The following MYO9B variants were observed in gnomAD, a reference collection of about 807,000 sequenced individuals.
MYO9B encodes unconventional myosin-IXb.
Under a neutral mutation model 229.5 loss-of-function variants are expected in MYO9B, and 71 were observed. The observed-to-expected ratio is 0.31, with a 90% CI of 0.26 to 0.38. MYO9B has a LOEUF of 0.38. Ranked by LOEUF, MYO9B falls within the 10% of genes least tolerant of loss-of-function variation. MYO9B has a pLI of 1.00. For synonymous variants in MYO9B, 1,185 were observed against 1,235.8 expected (o/e 0.96, Z 0.86); for missense variants, 2,255 against 2,920.5 (o/e 0.77, Z 5.25).
intron 4 of MYO9B, among the ~76,000 whole-genome samples, 197 bp from the exon 5 acceptor site, chr19:17,153,770 A>G (rs981927571): frequency 2.0e-5 from 3 of 152,014 alleles, no homozygotes; most frequent in Non-Finnish European, 4.4e-5. Context: ...CCCACCTCCA[A>G]TCCTCCAGAA....
At position 17,193,095 on chromosome 19, in the gene MYO9B, T is replaced by C. The variant is rs1166061097; in HGVS notation, c.3128+33T>C. 7.0e-7 allele frequency: 1 copy of C among 1,422,708 alleles called. No individual in the cohort carries two copies. Among genetic ancestry groups the C allele is most frequent in the Non-Finnish European group, 9.2e-7 (1 of 1,089,340 alleles). 88.1% of individuals were successfully genotyped at this position (1,422,708 alleles called of 1,614,324 possible). On this transcript the variant is annotated intron_variant, in intron 21 of 39. Coordinates refer to ENST00000682292, the MANE Select transcript of MYO9B (RefSeq NM_004145.4). The surrounding 1 kb of genome is among the most constrained non-coding windows in gnomAD (Gnocchi z 4.3). The stretch of plus-strand genomic sequence containing the variant: ...GAGCCGGGCCACGCTCCTCGGAATA[T>C]TCCAGAAGCCAAAAAGGTCACTCAC...
intron 2 of MYO9B, among the ~76,000 whole-genome samples, chr19:17,113,301 G>A (rs80174661): frequency 0.11 from 17,086 of 152,116 alleles, 1,198 homozygotes; most frequent in Non-Finnish European, 0.13. Context: ...CACTTCAAAG[G>A]GAGATTGGAA....
In MYO9B at chr19:17,212,674, A is replaced by G. The variant is rs2073245130; in HGVS notation, c.*364A>G. 4.2e-6 allele frequency: 1 copy of G among 238,100 alleles called. No individual in the cohort carries two copies. Among genetic ancestry groups the G allele is most frequent in the Admixed American group, 5.4e-5 (1 of 18,582 alleles). 14.7% of individuals were successfully genotyped at this position (238,100 alleles called of 1,614,324 possible). A position where few individuals can be genotyped will look rare whatever the true frequency, so the allele number is the denominator to read the frequency against. On this transcript the variant is annotated 3_prime_UTR_variant, in exon 40 of 40. Coordinates refer to ENST00000682292, the MANE Select transcript of MYO9B (RefSeq NM_004145.4). This position sits in a 1 kb window ranked among gnomAD's most constrained non-coding sequence, Gnocchi z 5.4. ...AGACCAAATGGTTTTTTATATGTGT[A>G]TGTACAAAGTTTTCTATTAACGCTG... is the stretch of plus-strand genomic sequence containing the variant.
chr19:17,128,561 T>C (rs2072153898), intron 2 of MYO9B, among the ~76,000 whole-genome samples: 1 of 152,220 alleles, frequency 6.6e-6, no homozygotes, highest in Non-Finnish European at 1.5e-5. Flanking sequence ...GCACTGCCCA[T>C]AGGGCTCCTG....
chr19:17,116,771 A>T (rs940522604), intron 2 of MYO9B, among the ~76,000 whole-genome samples: 1 of 152,090 alleles, frequency 6.6e-6, no homozygotes, highest in Admixed American at 6.6e-5. Context: ...GTGGGTATGG[A>T]GAGGATGGGG....
Position 17,198,160 on chromosome 19 carries a change from G to GC in MYO9B, c.4114-18dup, listed in dbSNP as rs771179127. 10 of 1,612,894 alleles carry GC rather than the reference G, an allele frequency of 6.2e-6. No homozygotes were observed. In the East Asian group the frequency reaches 2.2e-4, roughly 36 times the overall value. ...CAGGACTGCCAGCCTTTCCTTAGCA[G>GC]CCCCCCACTGCACCGTCTTGCAGCC... On this transcript the variant is annotated intron_variant, in intron 23 of 39. Transcript: ENST00000682292.
At chr19:17,138,450 T>A (rs975325631) in intron 2 of MYO9B, among the ~76,000 whole-genome samples, 12 of 152,314 alleles carry the variant, frequency 7.9e-5, no homozygotes, top group African/African-American at 2.9e-4. Context: ...GCTAATTTTT[T>A]AAATTTTTTC....
intron 1 of MYO9B, among the ~76,000 whole-genome samples, chr19:17,095,060 G>A (rs759337252): frequency 3.3e-5 from 5 of 152,158 alleles, no homozygotes; most frequent in African/African-American, 4.8e-5. Flanking sequence ...CCAACATGGC[G>A]AAACTCTGTC....
chr19:17,206,089 G>A lies in MYO9B; in HGVS notation c.5194G>A (p.Gly1732Ser). 1 of 1,607,970 alleles carries A rather than the reference G, an allele frequency of 6.2e-7. No homozygotes were observed. Among genetic ancestry groups the A allele is most frequent in the Non-Finnish European group, 8.5e-7 (1 of 1,175,754 alleles). ...HVEMHGLYTEGLYRKSGAANR... is the reference protein window; with the variant it reads ...HVEMHGLYTESLYRKSGAANR... ...GGAGATGCACGGCCTGTACACCGAGGGCCTCTACCGCAAGTCGGGTGCTGC... is the reference window on the plus strand; with the variant it reads ...GGAGATGCACGGCCTGTACACCGAGAGCCTCTACCGCAAGTCGGGTGCTGC... The change falls in exon 32 of 40, where the codon GGC becomes AGC. Residue 1732 changes from glycine to serine, a missense_variant. By Grantham distance (56) the Gly-to-Ser change is moderately conservative. Coordinates refer to ENST00000682292, the MANE Select transcript of MYO9B (RefSeq NM_004145.4).
Position 17,195,433 on chromosome 19 carries a change from G to A in MYO9B, c.4006G>A (p.Asp1336Asn), listed in dbSNP as rs368418520. ...AMLSQSLDLS[D>N]RHRATGAALT... ...GCTCAGCCAGTCCCTGGACCTCAGC[G>A]ACAGACACCGGGCCACAGGGGCCGC... The change falls in exon 22 of 40, where the codon GAC becomes AAC. Residue 1336 changes from aspartate to asparagine, a missense_variant. Asp to Asn is a conservative substitution (Grantham distance 23). Around this residue, in one of 7 missense-constraint regions of MYO9B, gnomAD observed 679 missense variants for 770.2 expected, o/e 0.88. Transcript: ENST00000682292. This position sits in a 1 kb window ranked among gnomAD's most constrained non-coding sequence, Gnocchi z 4.5. 135 of 1,605,940 alleles carry A rather than the reference G, an allele frequency of 8.4e-5. 1 individual carries two copies. The African/African-American group carries it at 1.1e-3, about 14-fold the overall frequency.
intron 1 of MYO9B, among the ~76,000 whole-genome samples, chr19:17,080,618 A>T (rs1234924647): frequency 6.6e-6 from 1 of 152,170 alleles, no homozygotes; most frequent in East Asian, 1.9e-4. Flanking sequence ...CTGTAATCTC[A>T]GCCCTTTGGG....
chr19:17,183,083 G>A (rs2072879563), intron 15 of MYO9B, among the ~76,000 whole-genome samples: 1 of 151,882 alleles, frequency 6.6e-6, no homozygotes, highest in East Asian at 2.0e-4. Flanking sequence ...CACCACACCT[G>A]GCTAATTTTT....
Position 17,172,957 on chromosome 19 carries a change from G to A in MYO9B, c.2134G>A (p.Ala712Thr). 2.5e-6 allele frequency: 4 copies of A among 1,597,688 alleles called. No individual in the cohort carries two copies. In the South Asian group the frequency reaches 4.4e-5, roughly 18 times the overall value. Reference sequence around the variant, plus strand: ...CCTGCGGGCCGAGAGGGCCGAAAAGGCTGCAGGTGGGAGCTGGGGCGTGAA... The same window carrying A: ...CCTGCGGGCCGAGAGGGCCGAAAAGACTGCAGGTGGGAGCTGGGGCGTGAA... ...GRLRAERAEKAAGMSSPGAQS... is the reference protein window; with the variant it reads ...GRLRAERAEKTAGMSSPGAQS... The change falls in exon 13 of 40, where the codon GCT becomes ACT. Residue 712 changes from alanine (A) to threonine (T), a missense_variant. By Grantham distance (58) the Ala-to-Thr change is moderately conservative (BLOSUM62 0). Around this residue, in one of 7 missense-constraint regions of MYO9B, gnomAD observed 155 missense variants for 159.1 expected, o/e 0.97. Coordinates refer to ENST00000682292, the MANE Select transcript of MYO9B (RefSeq NM_004145.4). This position sits in a 1 kb window ranked among gnomAD's most constrained non-coding sequence, Gnocchi z 8.2.
intron 11 of MYO9B, among the ~76,000 whole-genome samples, chr19:17,168,413 G>A (rs1193775483): frequency 1.3e-5 from 2 of 152,126 alleles, no homozygotes; most frequent in African/African-American, 2.4e-5. Context: ...GGATCCTCCC[G>A]CCTTGGCCTC....
chr19:17,129,139 C>G (rs2072162766), intron 2 of MYO9B, among the ~76,000 whole-genome samples: 1 of 152,092 alleles, frequency 6.6e-6, no homozygotes, highest in South Asian at 2.1e-4. Flanking sequence ...TGGCTCACAC[C>G]TGCGATCCCA....
At chr19:17,157,577 C>CAA in intron 7 of MYO9B, 2 of 157,872 alleles carry the variant, frequency 1.3e-5, no homozygotes, top group Non-Finnish European at 2.8e-5. Flanking sequence ...ACAAAACAAA[C>CAA]AAAAAAAAAC....
At chr19:17,092,003 T>C (rs1029134787) in intron 1 of MYO9B, among the ~76,000 whole-genome samples, 5 of 152,152 alleles carry the variant, frequency 3.3e-5, no homozygotes, top group Non-Finnish European at 5.9e-5. Context: ...CTCCTGGTGC[T>C]CCATCAGCAG....
intron 2 of MYO9B, among the ~76,000 whole-genome samples, chr19:17,104,311 GGGACCAACCCA>G (rs2057773454): frequency 6.6e-6 from 1 of 152,150 alleles, no homozygotes; most frequent in South Asian, 2.1e-4. Flanking sequence ...CAGCAGAGAA[GGGACCAACCCA>G]GGCTCTTATG....
Position 17,200,425 on chromosome 19 carries a change from A to C in MYO9B, c.4371A>C (p.Glu1457Asp), listed in dbSNP as rs1249833852. 6.4e-7 allele frequency: 1 copy of C among 1,573,504 alleles called. No homozygotes were observed. ...LEATTMKKGL[E>D]APSGQQHRHA... The stretch of plus-strand genomic sequence containing the variant: ...CCACCACCATGAAGAAGGGCCTGGA[A>C]GGTTGGTAGCCTGCAGCCTCAGGGA... The change falls in exon 25 of 40, where the codon GAA becomes GAC. Residue 1457 changes from glutamate to aspartate, a missense_variant and splice_region_variant. Coordinates refer to ENST00000682292, the MANE Select transcript of MYO9B (RefSeq NM_004145.4).
Sources: allele counts gnomAD v4.1 joint callset (sites outside exome capture counted in the v4.1 genomes callset), GRCh38; gene constraint gnomAD v4.1.1; regional missense constraint gnomAD v4.1.1; non-coding constraint Gnocchi (gnomAD v3.1); transcripts MANE v1.5; gene names NCBI Gene and HGNC (gene_info 2026-07-23, HGNC 2026-07-21).